XYLB: variants seen among roughly 807,000 people sequenced by gnomAD.
XYLB encodes the protein xylulose kinase.
XYLB carries 62 observed loss-of-function variants against 78.7 expected under a neutral mutation model. The observed-to-expected ratio is 0.79, with a 90% CI of 0.64 to 0.97. The LOEUF is 0.97. XYLB is among the 50% of genes least tolerant of loss of function. The pLI, the probability that XYLB is intolerant of heterozygous loss-of-function variation, is 0.00. For synonymous variants in XYLB, 245 were observed against 247.4 expected (o/e 0.99, Z 0.09); for missense variants, 687 against 676.8 (o/e 1.02, Z -0.17).
In XYLB at chr3:38,376,806, AGCCAGGGG is replaced by A; in HGVS notation, c.1121-111_1121-104del. The A allele has an allele frequency of 3.0e-5, 21 of 706,420 alleles. 3 individuals carry two copies. The highest frequency in any genetic ancestry group is 2.1e-4 in the African/African-American group (11 of 52,112). The allele number at this position is 706,420 out of a possible 1,614,324, so 43.8% of individuals were successfully genotyped here. A position where few individuals can be genotyped will look rare whatever the true frequency, so the allele number is the denominator to read the frequency against. On this transcript the variant is annotated intron_variant, in intron 13 of 18. Transcript: ENST00000207870. ...ACAGGTCTCATCTGGGGGATGAAAGAGCCAGGGGACCCAGGGATATGGGGTCATTTTGT... is the reference window on the plus strand; with the variant it reads ...ACAGGTCTCATCTGGGGGATGAAAGAACCCAGGGATATGGGGTCATTTTGT...
intron 1 of XYLB, 136 bp downstream of exon 1, chr3:38,347,061 C>T (rs1288332264): frequency 3.5e-6 from 3 of 868,002 alleles, no homozygotes; most frequent in Admixed American, 4.4e-5. Flanking sequence ...CCCGGGGCCC[C>T]CGCGCCCCTG....
intron 16 of XYLB, 124 bp downstream of exon 16, chr3:38,395,687 C>T (rs1707842626): frequency 9.9e-7 from 1 of 1,008,290 alleles, no homozygotes; most frequent in Non-Finnish European, 1.5e-6. Context: ...GCTCTTAGCT[C>T]ACACTCCAGG....
chr3:38,357,425 C>T (rs1439743598), intron 2 of XYLB, among the ~76,000 whole-genome samples: 1 of 147,588 alleles, frequency 6.8e-6, no homozygotes, highest in Non-Finnish European at 1.5e-5. Context: ...CTTGCTCTGT[C>T]ACCCAGGCTG....
intron 1 of XYLB, among the ~76,000 whole-genome samples, 188 bp from the exon 2 acceptor site, chr3:38,348,362 A>G (rs1478191319): frequency 6.6e-6 from 1 of 152,056 alleles, no homozygotes; most frequent in African/African-American, 2.4e-5. Flanking sequence ...ATTTTACTAA[A>G]TCTTTGAGTG....
intron 2 of XYLB, chr3:38,356,968 C>T (rs1705690611): frequency 6.6e-6 from 1 of 152,152 alleles, no homozygotes; most frequent in Non-Finnish European, 1.5e-5. Context: ...GGACCTGTTT[C>T]CTTATAAGAA....
intron 15 of XYLB, 146 bp from the exon 16 acceptor site, chr3:38,395,358 CT>C: frequency 1.4e-6 from 1 of 720,656 alleles, no homozygotes; most frequent in Non-Finnish European, 2.4e-6. Flanking sequence ...ACAGAGCCAG[CT>C]TTGGATCTCT....
intron 2 of XYLB, among the ~76,000 whole-genome samples, chr3:38,350,223 G>A (rs768358856): frequency 3.9e-5 from 6 of 152,162 alleles, no homozygotes; most frequent in African/African-American, 7.2e-5. Context: ...AGCTAATGCG[G>A]CCCCATGGAG....
the XYLB span, among the ~76,000 whole-genome samples, chr3:38,449,791 C>T: frequency 6.1e-3 from 924 of 152,194 alleles, 7 homozygotes; most frequent in South Asian, 0.041. Context: ...ATATGTATCA[C>T]GAGAAAGATA....
Position 38,412,999 on chromosome 3 carries a change from G to C in XYLB, c.1597G>C (p.Gly533Arg). 1 of 1,603,424 alleles carries C rather than the reference G, an allele frequency of 6.2e-7. No homozygotes were observed. Among genetic ancestry groups the C allele is most frequent in the South Asian group, 1.1e-5 (1 of 89,034 alleles). Residue 533 changes from glycine to arginine, a missense_variant, in exon 19 of 19, where the codon GGG (glycine) becomes CGG (arginine). Physicochemically the swap from Gly to Arg is moderately radical, Grantham distance 125. Transcript: ENST00000207870. ...GCAGAGAATCTTGTCTCAGACCCGGGGGCCTCCGGAGTGAACAGGCATCCC... is the reference window on the plus strand; with the variant it reads ...GCAGAGAATCTTGTCTCAGACCCGGCGGCCTCCGGAGTGAACAGGCATCCC... ...LEQRILSQTRGPPE is the reference protein window; with the variant it reads ...LEQRILSQTRRPPE
At chr3:38,428,738 C>A in the XYLB span, among the ~76,000 whole-genome samples, 1 of 152,180 alleles carries the variant, frequency 6.6e-6, no homozygotes, top group Non-Finnish European at 1.5e-5. Context: ...TGTTTAGAGT[C>A]CATTTACATA....
At chr3:38,397,181 G>C (rs769781794) in intron 17 of XYLB, 22 bp downstream of exon 17, 1 of 1,611,956 alleles carries the variant, frequency 6.2e-7, no homozygotes, top group Admixed American at 1.7e-5. Context: ...GAGGGAGACA[G>C]CTATCTCTGG....
Position 38,375,199 on chromosome 3 carries a change from C to G in XYLB, c.944C>G (p.Ala315Gly). 6.2e-7 allele frequency: 1 copy of G among 1,614,200 alleles called. No individual in the cohort carries two copies. The highest frequency in any genetic ancestry group is 8.5e-7 in the Non-Finnish European group (1 of 1,180,030). ...LFLWLQEPMP[A>G]LEGHIFCNPV... ...CTCTGGCTCCAAGAGCCCATGCCTG[C>G]CCTGGAAGGCCACATCTTCTGCAAC... The change falls in exon 12 of 19, where the codon GCC becomes GGC. Residue 315 changes from alanine (A) to glycine (G), a missense_variant. Transcript: ENST00000207870.
At chr3:38,424,746 G>A (rs891366305), downstream of XYLB, among the ~76,000 whole-genome samples, 3 of 152,184 alleles carry the variant, frequency 2.0e-5, no homozygotes, top group Non-Finnish European at 2.9e-5. Context: ...AATTGAAAAT[G>A]TTCAGTTACA....
At chr3:38,422,278 T>G (rs1463683335), downstream of XYLB, among the ~76,000 whole-genome samples, 4 of 152,200 alleles carry the variant, frequency 2.6e-5, no homozygotes, top group Non-Finnish European at 5.9e-5. Flanking sequence ...TATCTACTTC[T>G]GTTCCCTGGA....
At chr3:38,379,131 CTA>C in intron 14 of XYLB, 113 bp from the exon 15 acceptor site, 3 of 1,006,066 alleles carry the variant, frequency 3.0e-6, no homozygotes, top group South Asian at 1.4e-5. Flanking sequence ...AAGAGCCCAG[CTA>C]TGAGTTTCAA....
chr3:38,350,747 A>G (rs1201349240), intron 2 of XYLB, among the ~76,000 whole-genome samples: 1 of 151,452 alleles, frequency 6.6e-6, no homozygotes, highest in Non-Finnish European at 1.5e-5. Context: ...GGGATGCCTT[A>G]GCAGCATCCC....
chr3:38,443,003 T>G, the XYLB span, among the ~76,000 whole-genome samples: 7 of 152,164 alleles, frequency 4.6e-5, no homozygotes, highest in Non-Finnish European at 1.0e-4. Context: ...TTGGCTAATA[T>G]GTCCCTCCCT....
At chr3:38,404,268 A>G (rs1708227551) in intron 18 of XYLB, among the ~76,000 whole-genome samples, 1 of 152,224 alleles carries the variant, frequency 6.6e-6, no homozygotes, top group South Asian at 2.1e-4. Context: ...CATGGGGTCT[A>G]TTCCCAAGTA....
chr3:38,350,759 T>C (rs1263162268), intron 2 of XYLB, among the ~76,000 whole-genome samples: 1 of 143,018 alleles, frequency 7.0e-6, no homozygotes, highest in East Asian at 2.1e-4. Flanking sequence ...CAGCATCCCA[T>C]ACATTTTGAT....
Sources: gnomAD v4.1 joint callset for allele counts (sites outside exome capture counted in the v4.1 genomes callset) on GRCh38, gnomAD v4.1.1 for gene constraint, MANE v1.5 for transcripts, NCBI Gene and HGNC (gene_info 2026-07-23, HGNC 2026-07-21) for gene names.